The following L3MBTL2 variants were observed in gnomAD, a reference collection of about 807,000 sequenced individuals.
L3MBTL2 encodes lethal(3)malignant brain tumor-like protein 2.
In L3MBTL2, 49 loss-of-function variants were observed where a neutral mutation model predicts 86.4. The ratio of observed to expected loss-of-function variants is 0.57; its 90% CI spans 0.45 to 0.72. L3MBTL2 has a LOEUF of 0.72. Among genes scored for constraint, L3MBTL2 ranks in the 30% least tolerant of loss-of-function variants. L3MBTL2 has a pLI of 0.00. For synonymous variants in L3MBTL2, 336 were observed against 350.6 expected (o/e 0.96, Z 0.47); for missense variants, 755 against 923.7 (o/e 0.82, Z 2.37).
chr22:41,229,451 CGCT>C, intron 15 of L3MBTL2, 86 bp from the exon 16 acceptor site: 1 of 1,459,158 alleles, frequency 6.9e-7, no homozygotes, highest in Non-Finnish European at 9.2e-7. Flanking sequence ...CCCTCTGCCA[CGCT>C]GCCTGACCAC....
chr22:41,208,233 G>T, intron 1 of L3MBTL2: 1 of 387,388 alleles, frequency 2.6e-6, no homozygotes, highest in Admixed American at 3.0e-5. Flanking sequence ...CCAGGCTCAA[G>T]CAGTCCTTCC....
chr22:41,207,794 C>A (rs1601482865), intron 1 of L3MBTL2, among the ~76,000 whole-genome samples: 1 of 150,854 alleles, frequency 6.6e-6, no homozygotes, highest in Non-Finnish European at 1.5e-5. Flanking sequence ...CCACCTCAGC[C>A]TTCTGAGTAG....
At chr22:41,209,474 C>G (rs1377563073) in intron 1 of L3MBTL2, 1 of 511,848 alleles carries the variant, frequency 2.0e-6, no homozygotes. Context: ...CACAGAGGAG[C>G]CTGGTGAATT....
At chr22:41,210,327 T>A (rs959183786) in intron 2 of L3MBTL2, among the ~76,000 whole-genome samples, 4 of 151,954 alleles carry the variant, frequency 2.6e-5, no homozygotes, top group Non-Finnish European at 5.9e-5. Flanking sequence ...CTTTTGTATT[T>A]TTTTGTTTGT....
intron 15 of L3MBTL2, chr22:41,228,073 C>A (rs2032315670): frequency 2.0e-6 from 2 of 985,296 alleles, no homozygotes. Flanking sequence ...GGACCCAGAC[C>A]ATAAATAGGG....
chr22:41,207,740 C>T (rs1459969607), intron 1 of L3MBTL2, among the ~76,000 whole-genome samples: 1 of 151,972 alleles, frequency 6.6e-6, no homozygotes, highest in African/African-American at 2.4e-5. Context: ...ATGGTGTGAT[C>T]ATGATTCAGT....
intron 8 of L3MBTL2, 101 bp downstream of exon 8, chr22:41,221,388 T>C (rs1309377924): frequency 5.1e-6 from 5 of 971,634 alleles, no homozygotes; most frequent in Non-Finnish European, 8.0e-6. Flanking sequence ...ACCCCTTGCC[T>C]GATGATCTTC....
At chr22:41,222,023 C>T (rs1380753464) in intron 8 of L3MBTL2, among the ~76,000 whole-genome samples, 2 of 152,124 alleles carry the variant, frequency 1.3e-5, no homozygotes, top group South Asian at 2.1e-4. Flanking sequence ...CTCAGCCTCC[C>T]GAGTAGTTGG....
chr22:41,209,991 G>A (rs149389235), intron 2 of L3MBTL2, 58 bp downstream of exon 2: 11 of 1,587,526 alleles, frequency 6.9e-6, no homozygotes, highest in African/African-American at 5.4e-5. Context: ...AGAGGAAGAG[G>A]GGGGTGGATA....
chr22:41,224,049 G>A lies in L3MBTL2; in HGVS notation c.972G>A (p.Arg324=), dbSNP rs886406871. ...KMVESMKYPF[R]QGMRLEVVDK... Reference sequence around the variant, plus strand: ...TGGAGAGCATGAAGTACCCCTTTAGGCAGGGCATGCGGCTGGAAGTGGTGG... The same window carrying A: ...TGGAGAGCATGAAGTACCCCTTTAGACAGGGCATGCGGCTGGAAGTGGTGG... The change falls in exon 9 of 17, where the codon AGG becomes AGA. Residue 324 remains arginine, a synonymous_variant. Transcript: ENST00000216237. The surrounding 1 kb of genome is among the most constrained non-coding windows in gnomAD (Gnocchi z 4.9). 2 of 1,614,162 alleles carry A rather than the reference G, an allele frequency of 1.2e-6. No homozygotes were observed. Among genetic ancestry groups the A allele is most frequent in the Non-Finnish European group, 1.7e-6 (2 of 1,180,012 alleles).
chr22:41,220,152 A>G (rs1311015814), intron 6 of L3MBTL2, among the ~76,000 whole-genome samples: 1 of 152,206 alleles, frequency 6.6e-6, no homozygotes, highest in Non-Finnish European at 1.5e-5. Context: ...GTTCGAGACC[A>G]GACGGGGCAA....
At position 41,216,409 on chromosome 22, in the gene L3MBTL2, T is replaced by G. The variant is rs17002349; in HGVS notation, c.520+147T>G. On this transcript the variant is annotated intron_variant, in intron 4 of 16. Transcript: ENST00000216237. ...AGGGTCACTGCGGATTGCATCTTCC[T>G]CACCTGTTGGGTATTGTGGAAATTA... 4.3e-3 allele frequency: 3,913 copies of G among 917,738 alleles called. 98 individuals are homozygous for G. In the African/African-American group the frequency reaches 0.06, roughly 14 times the overall value. 56.8% of individuals were successfully genotyped at this position (917,738 alleles called of 1,614,324 possible). A position where few individuals can be genotyped will look rare whatever the true frequency, so the allele number is the denominator to read the frequency against.
intron 5 of L3MBTL2, chr22:41,219,078 C>T (rs993967839): frequency 2.9e-4 from 64 of 222,170 alleles, no homozygotes; most frequent in African/African-American, 1.1e-3. Context: ...TGCCATTGCT[C>T]GGGCTGGCAC....
In L3MBTL2 at chr22:41,227,849, A is replaced by G. The variant is rs1332103223; in HGVS notation, c.1868A>G (p.Lys623Arg). 8 of 1,613,668 alleles carry G rather than the reference A, an allele frequency of 5.0e-6. No individual in the cohort carries two copies. Among genetic ancestry groups the G allele is most frequent in the Non-Finnish European group, 6.8e-6 (8 of 1,179,804 alleles). ...LKAKEATKKK[K>R]KQFGKKRKRI... ...GCCAAAGAGGCCACAAAGAAGAAAA[A>G]GAAACAGTTTGGGAAGAAAAGTAAG... Residue 623 changes from lysine (K) to arginine (R), a missense_variant, in exon 15 of 17, where the codon AAG becomes AGG. Physicochemically the swap from Lys to Arg is conservative, Grantham distance 26. Around this residue, in one of 3 missense-constraint regions of L3MBTL2, gnomAD observed 634 missense variants for 748.9 expected, o/e 0.85. Coordinates refer to ENST00000216237, the MANE Select transcript of L3MBTL2 (RefSeq NM_031488.5). This position sits in a 1 kb window ranked among gnomAD's most constrained non-coding sequence, Gnocchi z 6.0.
intron 8 of L3MBTL2, among the ~76,000 whole-genome samples, chr22:41,222,967 G>C (rs139473): frequency 0.38 from 57,682 of 151,990 alleles, 11,176 homozygotes; most frequent in Middle Eastern, 0.44. Flanking sequence ...TGGATTGTGG[G>C]CTGCACTGTG....
chr22:41,217,452 G>C (rs1233769537), intron 5 of L3MBTL2: 2 of 487,630 alleles, frequency 4.1e-6, no homozygotes, highest in Non-Finnish European at 7.5e-6. Flanking sequence ...GGAACTTGGT[G>C]CTAGCTGATG....
In L3MBTL2 at chr22:41,224,653, G is replaced by C. The variant is rs568387493; in HGVS notation, c.1175-72G>C. The C allele has an allele frequency of 3.7e-5, 40 of 1,093,030 alleles. No individual in the cohort carries two copies. Among genetic ancestry groups the C allele is most frequent in the South Asian group, 3.6e-4 (28 of 78,408 alleles). The allele number at this position is 1,093,030 out of a possible 1,614,324, so 67.7% of individuals were successfully genotyped here. On this transcript the variant is annotated intron_variant, in intron 9 of 16. Coordinates refer to ENST00000216237, the MANE Select transcript of L3MBTL2 (RefSeq NM_031488.5). The surrounding 1 kb of genome is among the most constrained non-coding windows in gnomAD (Gnocchi z 4.9). ...GAGCAGCCCCACATTCCCAGGGGAG[G>C]CGTGTGGAGATGGCCCAGGAGCCGC...
intron 2 of L3MBTL2, among the ~76,000 whole-genome samples, chr22:41,212,919 C>T (rs1387432554): frequency 6.7e-6 from 1 of 148,346 alleles, no homozygotes; most frequent in African/African-American, 2.5e-5. Flanking sequence ...AGTGAAGTCA[C>T]GATTAAAACA....
At chr22:41,207,236 CTTTTTTTTTTTTT>C (rs753351369) in intron 1 of L3MBTL2, among the ~76,000 whole-genome samples, 1 of 120,508 alleles carries the variant, frequency 8.3e-6, no homozygotes. Context: ...CCCCCAAATC[CTTTTTTTTTTTTT>C]TTTTTTTTTT....
Sources: gnomAD v4.1 joint callset for allele counts (sites outside exome capture counted in the v4.1 genomes callset) on GRCh38, gnomAD v4.1.1 for gene constraint, gnomAD v4.1.1 regional missense constraint, Gnocchi (gnomAD v3.1) non-coding constraint, MANE v1.5 for transcripts, NCBI Gene and HGNC (gene_info 2026-07-23, HGNC 2026-07-21) for gene names.